Variants in ZNF514 observed in about 807,000 individuals in gnomAD.
ZNF514 encodes zinc finger protein 514.
A neutral mutation model predicts 9.7 loss-of-function variants in ZNF514; 12 were observed. The observed-to-expected ratio is 1.24, with a 90% confidence interval of 0.79 to 2.01. The LOEUF is 2.01. Ranked by LOEUF, ZNF514 falls within the 30% of genes most tolerant of loss-of-function variation. ZNF514 has a pLI of 0.00. For missense variants in ZNF514, 467 were observed against 465.5 expected (o/e 1.00, Z -0.03); for synonymous variants, 158 against 163.7 (o/e 0.97, Z 0.27).
At chr2:95,159,163 G>T in intron 1 of ZNF514, 77 bp downstream of exon 1, 1 of 447,622 alleles carries the variant, frequency 2.2e-6, no homozygotes, top group Non-Finnish European at 3.3e-6. Context: ...GAGCAGGGCC[G>T]GCAAACCCCG....
At chr2:95,133,461 G>T in the ZNF514 span, among the ~76,000 whole-genome samples, 1 of 152,190 alleles carries the variant, frequency 6.6e-6, no homozygotes, top group Admixed American at 6.5e-5. Context: ...AGTTAGGAAG[G>T]GGGTGGCAGC....
chr2:95,150,184 C>T lies in ZNF514; in HGVS notation c.301G>A (p.Glu101Lys), dbSNP rs368792652. The T allele has an allele frequency of 4.7e-5, 75 of 1,608,790 alleles. No individual in the cohort carries two copies. The highest frequency in any genetic ancestry group is 6.3e-5 in the Non-Finnish European group (74 of 1,179,914). Residue 101 changes from glutamate (E) to lysine (K), a missense_variant, in exon 5 of 5, where the codon GAA (glutamate) becomes AAA (lysine). Coordinates refer to ENST00000295208, the MANE Select transcript of ZNF514 (RefSeq NM_032788.3). ...TGCAGCACATCTTGAATGTGTTTTT[C>T]CACTGATACTACCTGGAATAATTCT... ...KEELFQVVSV[E>K]KHIQDVLQFS...
intron 2 of ZNF514, chr2:95,153,471 C>T (rs958568516): frequency 4.9e-6 from 2 of 409,162 alleles, no homozygotes; most frequent in South Asian, 9.4e-5. Context: ...AATGAATATG[C>T]TTTGCATTCT....
chr2:95,143,488 G>A (rs1404170534), downstream of ZNF514, among the ~76,000 whole-genome samples: 2 of 152,088 alleles, frequency 1.3e-5, no homozygotes, highest in African/African-American at 4.8e-5. Flanking sequence ...GCATGGTGGT[G>A]CATGTCTGTA....
At chr2:95,143,543 C>T (rs1378618695), downstream of ZNF514, among the ~76,000 whole-genome samples, 1 of 152,100 alleles carries the variant, frequency 6.6e-6, no homozygotes, top group African/African-American at 2.4e-5. Flanking sequence ...TGCTTGAACC[C>T]GGGAGGCAGA....
At chr2:95,139,870 T>C in the ZNF514 span, among the ~76,000 whole-genome samples, 2 of 151,940 alleles carry the variant, frequency 1.3e-5, no homozygotes, top group Non-Finnish European at 2.9e-5. Context: ...GGAGGTGATT[T>C]GTTCATGGTG....
chr2:95,134,915 A>G, the ZNF514 span, among the ~76,000 whole-genome samples: 1 of 152,172 alleles, frequency 6.6e-6, no homozygotes, highest in East Asian at 1.9e-4. Context: ...ACATAGGTTT[A>G]TTTCTGAGCT....
chr2:95,135,091 T>C, the ZNF514 span, among the ~76,000 whole-genome samples: 1 of 152,252 alleles, frequency 6.6e-6, no homozygotes, highest in Admixed American at 6.5e-5. Flanking sequence ...TGCAATTTCA[T>C]ATAAATGCTA....
At chr2:95,142,514 A>G (rs1673262623), downstream of ZNF514, among the ~76,000 whole-genome samples, 1 of 152,204 alleles carries the variant, frequency 6.6e-6, no homozygotes, top group Non-Finnish European at 1.5e-5. Context: ...CTTTGTTCCA[A>G]TTTTGAGCCA....
At chr2:95,136,986 G>T in the ZNF514 span, among the ~76,000 whole-genome samples, 1 of 152,022 alleles carries the variant, frequency 6.6e-6, no homozygotes, top group African/African-American at 2.4e-5. Flanking sequence ...TAAAAACAAA[G>T]AGTGTTTCCT....
chr2:95,143,320 T>C (rs1488927949), downstream of ZNF514, among the ~76,000 whole-genome samples: 1 of 152,156 alleles, frequency 6.6e-6, no homozygotes, highest in Non-Finnish European at 1.5e-5. Flanking sequence ...GGGTGTGTGC[T>C]TGTGTAATAA....
the ZNF514 span, among the ~76,000 whole-genome samples, chr2:95,128,167 C>T: frequency 4.6e-5 from 7 of 151,760 alleles, no homozygotes; most frequent in East Asian, 2.0e-4. Flanking sequence ...CCGAGATGGG[C>T]GGATTGCCTG....
the ZNF514 span, among the ~76,000 whole-genome samples, chr2:95,125,517 C>T: frequency 2.0e-5 from 3 of 152,180 alleles, no homozygotes; most frequent in Non-Finnish European, 2.9e-5. Flanking sequence ...GGATTATAGG[C>T]GTGAGCCACC....
In ZNF514 at chr2:95,159,792, C is replaced by A. The variant is rs1420005688; in HGVS notation, c.-648G>T. Among the ~76,000 whole-genome samples, 2 of 151,040 alleles carry A rather than the reference C, an allele frequency of 1.3e-5. No individual in the cohort carries two copies. Among genetic ancestry groups the A allele is most frequent in the Non-Finnish European group, 3.0e-5 (2 of 67,686 alleles). ...CGTCCCGAGCTTGCGCAGACGCGGCCGCCGCCGGGGCCCTTCAGAGCCAGC... is the reference window on the plus strand; with the variant it reads ...CGTCCCGAGCTTGCGCAGACGCGGCAGCCGCCGGGGCCCTTCAGAGCCAGC... On this transcript the variant is annotated 5_prime_UTR_variant, in exon 1 of 5. Coordinates refer to ENST00000295208, the MANE Select transcript of ZNF514 (RefSeq NM_032788.3).
chr2:95,157,255 G>T, intron 2 of ZNF514, 96 bp downstream of exon 2: 2 of 741,022 alleles, frequency 2.7e-6, no homozygotes, highest in Non-Finnish European at 4.0e-6. Context: ...CATTGGGTCA[G>T]TTCCCTTAGT....
the ZNF514 span, among the ~76,000 whole-genome samples, chr2:95,139,250 A>C: frequency 6.6e-6 from 1 of 152,186 alleles, no homozygotes; most frequent in African/African-American, 2.4e-5. Context: ...TGGAGCCCCC[A>C]CACAGTGTCC....
Position 95,145,948 on chromosome 2 carries a change from G to C in ZNF514, c.*3334C>G, listed in dbSNP as rs1673348169. Reference sequence around the variant, plus strand: ...CAACCTGCTGCTGCTCCTGACAAGAGCCACCTTGGGCACATGTTCTCAGGA... The same window carrying C: ...CAACCTGCTGCTGCTCCTGACAAGACCCACCTTGGGCACATGTTCTCAGGA... On this transcript the variant is annotated 3_prime_UTR_variant, in exon 5 of 5. Coordinates refer to ENST00000295208, the MANE Select transcript of ZNF514 (RefSeq NM_032788.3). Among the ~76,000 whole-genome samples, 1 of 152,190 alleles carries C rather than the reference G, an allele frequency of 6.6e-6. No homozygotes were observed. Among genetic ancestry groups the C allele is most frequent in the Non-Finnish European group, 1.5e-5 (1 of 68,034 alleles).
downstream of ZNF514, among the ~76,000 whole-genome samples, chr2:95,143,710 G>A (rs572986301): frequency 7.9e-5 from 12 of 152,306 alleles, 1 homozygote; most frequent in South Asian, 2.5e-3. Context: ...GGAATTTCCT[G>A]AGGGATACAA....
intron 4 of ZNF514, among the ~76,000 whole-genome samples, chr2:95,151,302 T>C (rs566665967): frequency 1.1e-4 from 16 of 152,236 alleles, no homozygotes; most frequent in Non-Finnish European, 2.1e-4. Context: ...AAACCATTGT[T>C]GGCTTTGAAG....
Sources: gnomAD v4.1 joint callset for allele counts (sites outside exome capture counted in the v4.1 genomes callset) on GRCh38, gnomAD v4.1.1 for gene constraint, MANE v1.5 for transcripts, NCBI Gene and HGNC (gene_info 2026-07-23, HGNC 2026-07-21) for gene names.